The following ST3GAL2 variants were observed in gnomAD, a reference collection of about 807,000 sequenced individuals.
ST3GAL2 encodes the protein ST3 beta-galactoside alpha-2,3-sialyltransferase 2.
Under a neutral mutation model 37.5 loss-of-function variants are expected in ST3GAL2, and 16 were observed. The observed-to-expected ratio is 0.43, with a 90% CI of 0.29 to 0.65. The LOEUF is 0.65. Ranked by LOEUF, ST3GAL2 falls within the 30% of genes least tolerant of loss-of-function variation. The pLI, the probability that ST3GAL2 is intolerant of heterozygous loss-of-function variation, is 0.17. For synonymous variants in ST3GAL2, 238 were observed against 202.9 expected (o/e 1.17, Z -1.47); for missense variants, 383 against 487.8 (o/e 0.79, Z 2.02).
intron 3 of ST3GAL2, among the ~76,000 whole-genome samples, chr16:70,392,396 C>T (rs2047487728): frequency 1.3e-5 from 2 of 152,198 alleles, no homozygotes; most frequent in African/African-American, 4.8e-5. Context: ...ATCTATCTGT[C>T]CTTGGCTGCC....
At position 70,380,336 on chromosome 16, in the gene ST3GAL2, T is replaced by G. The variant is rs1320748697; in HGVS notation, c.*1353A>C. The G allele has an allele frequency of 6.6e-6, 1 of 152,126 alleles. No homozygotes were observed. Among genetic ancestry groups the G allele is most frequent in the African/African-American group, 2.4e-5 (1 of 41,392 alleles). The allele number at this position is 152,126 out of a possible 1,614,324, so 9.4% of individuals were successfully genotyped here. A position where few individuals can be genotyped will look rare whatever the true frequency, so the allele number is the denominator to read the frequency against. ...CAACGGCCAGGAAGCTGCCTGGTGG[T>G]GTCAACTAAGAAAAGGGGGAGCATC... On this transcript the variant is annotated 3_prime_UTR_variant, in exon 7 of 7. Coordinates refer to ENST00000342907, the MANE Select transcript of ST3GAL2 (RefSeq NM_006927.4).
At chr16:70,438,334 G>A (rs1171341767) in intron 1 of ST3GAL2, among the ~76,000 whole-genome samples, 1 of 152,166 alleles carries the variant, frequency 6.6e-6, no homozygotes, top group Non-Finnish European at 1.5e-5. Flanking sequence ...CAGGAGAGAG[G>A]AGAGACGAGG....
Position 70,438,980 on chromosome 16 carries a change from G to A in ST3GAL2, c.-1035C>T, listed in dbSNP as rs575986555. ...CAGCGCCCGGCGCCGCGCGGGCCAT[G>A]CTCGCCGCTCCGGCCGCCGCCGCCG... On this transcript the variant is annotated 5_prime_UTR_variant, in exon 1 of 7. Transcript: ENST00000342907. The A allele has an allele frequency of 1.0e-3, 160 of 155,374 alleles. 2 individuals carry two copies. Among genetic ancestry groups the A allele is most frequent in the African/African-American group, 3.7e-3 (148 of 40,518 alleles). The allele number at this position is 155,374 out of a possible 1,614,324, so 9.6% of individuals were successfully genotyped here.
intron 3 of ST3GAL2, among the ~76,000 whole-genome samples, chr16:70,390,034 C>A (rs559188903): frequency 1.3e-5 from 2 of 152,114 alleles, no homozygotes; most frequent in South Asian, 4.1e-4. Context: ...GATCCGCCCA[C>A]CTCAGTCTCC....
intron 3 of ST3GAL2, among the ~76,000 whole-genome samples, chr16:70,391,460 G>C (rs2047481563): frequency 6.6e-6 from 1 of 152,178 alleles, no homozygotes; most frequent in South Asian, 2.1e-4. Flanking sequence ...CTGTCTCCTA[G>C]AAGAGCCAAG....
At chr16:70,388,036 C>T (rs1052394445) in intron 4 of ST3GAL2, among the ~76,000 whole-genome samples, 5 of 151,368 alleles carry the variant, frequency 3.3e-5, no homozygotes, top group African/African-American at 9.7e-5. Flanking sequence ...CGCTTGAACC[C>T]GGGAGGCGGA....
intron 1 of ST3GAL2, among the ~76,000 whole-genome samples, chr16:70,406,622 A>T (rs553225526): frequency 6.9e-4 from 105 of 151,880 alleles, no homozygotes; most frequent in African/African-American, 2.5e-3. Flanking sequence ...TCTCTACTAA[A>T]AATACAAAAA....
At chr16:70,401,970 G>T (rs2047558568) in intron 1 of ST3GAL2, among the ~76,000 whole-genome samples, 2 of 146,196 alleles carry the variant, frequency 1.4e-5, no homozygotes, top group African/African-American at 5.1e-5. Flanking sequence ...CTCCAGCCTG[G>T]GCGACAAGAG....
chr16:70,405,777 A>C (rs985898080), intron 1 of ST3GAL2, among the ~76,000 whole-genome samples: 2 of 151,828 alleles, frequency 1.3e-5, no homozygotes, highest in African/African-American at 4.8e-5. Context: ...AAAGCCACTG[A>C]CAGCCAGGCG....
chr16:70,434,209 C>T (rs1034361132), intron 1 of ST3GAL2, among the ~76,000 whole-genome samples: 1 of 152,150 alleles, frequency 6.6e-6, no homozygotes, highest in East Asian at 1.9e-4. Flanking sequence ...GAGGCCGAGG[C>T]AGGCGGATCA....
Position 70,388,495 on chromosome 16 carries a change from G to A in ST3GAL2, c.585C>T (p.Thr195=), listed in dbSNP as rs756440577. 4.3e-6 allele frequency: 7 copies of A among 1,613,040 alleles called. No homozygotes were observed. Among genetic ancestry groups the A allele is most frequent in the Non-Finnish European group, 5.9e-6 (7 of 1,179,410 alleles). Residue 195 remains threonine (T), a synonymous_variant, in exon 4 of 7, where the codon ACC becomes ACT. Coordinates refer to ENST00000342907, the MANE Select transcript of ST3GAL2 (RefSeq NM_006927.4). ...TCTCAGGGTACATGAAATGGTGGGT[G>A]GTTCGGCTGCCAACATCCTGCTCAA... is the stretch of plus-strand genomic sequence containing the variant. ...VGFEQDVGSR[T]THHFMYPESA...
intron 1 of ST3GAL2, among the ~76,000 whole-genome samples, chr16:70,431,970 A>ATAT (rs1555562174): frequency 6.9e-6 from 1 of 144,132 alleles, no homozygotes; most frequent in Admixed American, 6.7e-5. Flanking sequence ...TCTTAAAAAA[A>ATAT]ATATATATAT....
intron 1 of ST3GAL2, among the ~76,000 whole-genome samples, chr16:70,437,343 G>A (rs924154059): frequency 6.6e-6 from 1 of 152,126 alleles, no homozygotes; most frequent in Non-Finnish European, 1.5e-5. Flanking sequence ...GGAGGGCTGG[G>A]AAGGGGGTTG....
rs906858804 is a variant in ST3GAL2 at position 70,379,037 on chromosome 16, C to T, written c.*2652G>A. 6.6e-6 allele frequency: 1 copy of T among 152,186 alleles called. No homozygotes were observed. The highest frequency in any genetic ancestry group is 2.4e-5 in the African/African-American group (1 of 41,418). The allele number at this position is 152,186 out of a possible 1,614,324, so 9.4% of individuals were successfully genotyped here. A position where few individuals can be genotyped will look rare whatever the true frequency, so the allele number is the denominator to read the frequency against. On this transcript the variant is annotated 3_prime_UTR_variant, in exon 7 of 7. Transcript: ENST00000342907. ...TTAAATAAATAAAAATGCGGGTTGC[C>T]TGTGGCATGGTGGAAATTGGGCTGT...
intron 1 of ST3GAL2, among the ~76,000 whole-genome samples, chr16:70,422,588 T>G (rs931938441): frequency 3.3e-5 from 5 of 152,058 alleles, no homozygotes; most frequent in Non-Finnish European, 5.9e-5. Flanking sequence ...GTCCCAAACT[T>G]CACTCCCGAG....
chr16:70,392,124 C>T (rs1197065169), intron 3 of ST3GAL2, among the ~76,000 whole-genome samples: 1 of 152,220 alleles, frequency 6.6e-6, no homozygotes, highest in East Asian at 1.9e-4. Flanking sequence ...GCTGGCCATG[C>T]TGCAGAGCCT....
At chr16:70,382,760 C>G in intron 6 of ST3GAL2, 45 bp downstream of exon 6, 2 of 1,612,546 alleles carry the variant, frequency 1.2e-6, no homozygotes, top group Non-Finnish European at 1.7e-6. Flanking sequence ...GCCTGCACTC[C>G]TCTGTTCCAT....
chr16:70,388,935 C>T (rs578222004), intron 3 of ST3GAL2, among the ~76,000 whole-genome samples: 3 of 148,930 alleles, frequency 2.0e-5, no homozygotes, highest in South Asian at 4.3e-4. Flanking sequence ...ATTAGCTGGG[C>T]GTGGTGGCAT....
intron 1 of ST3GAL2, among the ~76,000 whole-genome samples, chr16:70,434,877 C>T (rs1347114096): frequency 6.6e-6 from 1 of 152,162 alleles, no homozygotes; most frequent in Non-Finnish European, 1.5e-5. Flanking sequence ...CTGTATCTGC[C>T]TTATAAATGT....
Sources: allele counts gnomAD v4.1 joint callset (sites outside exome capture counted in the v4.1 genomes callset), GRCh38; gene constraint gnomAD v4.1.1; transcripts MANE v1.5; gene names NCBI Gene and HGNC (gene_info 2026-07-23, HGNC 2026-07-21).